The following BMP6 variants were observed in gnomAD, a reference collection of about 807,000 sequenced individuals.
BMP6 encodes the protein bone morphogenetic protein 6.
Under a neutral mutation model 54.1 loss-of-function variants are expected in BMP6, and 17 were observed. That is an observed-to-expected ratio of 0.31 (90% CI 0.22 to 0.47). The LOEUF (loss-of-function observed/expected upper bound fraction) is 0.47. Among genes scored for constraint, BMP6 ranks in the 20% least tolerant of loss-of-function variants. BMP6 has a pLI of 1.00. For synonymous variants in BMP6, 328 were observed against 291.2 expected (o/e 1.13, Z -1.28); for missense variants, 720 against 690.4 (o/e 1.04, Z -0.48).
intron 1 of BMP6, among the ~76,000 whole-genome samples, chr6:7,733,832 T>C (rs1761913447): frequency 6.6e-6 from 1 of 152,166 alleles, no homozygotes. Context: ...TATATGAAAG[T>C]GGTGATAGTT....
chr6:7,827,471 C>T (rs1193053562), intron 1 of BMP6, among the ~76,000 whole-genome samples: 1 of 152,196 alleles, frequency 6.6e-6, no homozygotes, highest in Non-Finnish European at 1.5e-5. Flanking sequence ...TTTGGCTGGT[C>T]ACTTTATTGT....
Position 7,845,226 on chromosome 6 carries a change from G to A in BMP6, c.751G>A (p.Val251Met). ...ATCCCAGATTCCTGAGGGTGAGGTGGTGACGGCTGCAGAATTCCGCATCTA... is the reference window on the plus strand; with the variant it reads ...ATCCCAGATTCCTGAGGGTGAGGTGATGACGGCTGCAGAATTCCGCATCTA... Reference protein sequence around the residue: ...NLSQIPEGEVVTAAEFRIYKD... With the variant: ...NLSQIPEGEVMTAAEFRIYKD... The change falls in exon 2 of 7, where the codon GTG becomes ATG. Residue 251 changes from valine to methionine, a missense_variant. Physicochemically the swap from Val to Met is conservative, Grantham distance 21 (BLOSUM62 1). Coordinates refer to ENST00000283147, the MANE Select transcript of BMP6 (RefSeq NM_001718.6). 6.2e-7 allele frequency: 1 copy of A among 1,614,202 alleles called. No individual in the cohort carries two copies. The highest frequency in any genetic ancestry group is 8.5e-7 in the Non-Finnish European group (1 of 1,180,000).
rs149855187 is a variant in BMP6, at chr6:7,825,305, A to G, written c.665-19835A>G. Reference sequence around the variant, plus strand: ...AAAAGAAAAGAAAAAGAGAAAGGAAAGAAACAATGAATGAAAATGTGTAGA... The same window carrying G: ...AAAAGAAAAGAAAAAGAGAAAGGAAGGAAACAATGAATGAAAATGTGTAGA... On this transcript the variant is annotated intron_variant, in intron 1 of 6. Coordinates refer to ENST00000283147, the MANE Select transcript of BMP6 (RefSeq NM_001718.6). 5.7e-3 allele frequency among the ~76,000 whole-genome samples: 870 copies of G among 152,368 alleles called. 3 individuals are homozygous for G. The highest frequency in any genetic ancestry group is 0.01 in the Middle Eastern group (3 of 294).
intron 4 of BMP6, among the ~76,000 whole-genome samples, chr6:7,872,731 A>AGT (rs1759547920): frequency 6.6e-6 from 1 of 152,154 alleles, no homozygotes. Context: ...CCAGACATGA[A>AGT]GTGGTGGTCT....
At chr6:7,751,246 T>C (rs1221624009) in intron 1 of BMP6, among the ~76,000 whole-genome samples, 1 of 152,200 alleles carries the variant, frequency 6.6e-6, no homozygotes, top group Non-Finnish European at 1.5e-5. Flanking sequence ...GCTTGAGAAT[T>C]GCAAAGTGTG....
intron 2 of BMP6, among the ~76,000 whole-genome samples, chr6:7,855,539 C>A (rs921549360): frequency 1.9e-5 from 2 of 106,136 alleles, no homozygotes; most frequent in Non-Finnish European, 3.9e-5. Context: ...TAATCTCAAT[C>A]TCTCTCTCTC....
At chr6:7,834,693 TAAAC>T (rs979770751) in intron 1 of BMP6, among the ~76,000 whole-genome samples, 3 of 151,552 alleles carry the variant, frequency 2.0e-5, no homozygotes, top group Admixed American at 6.6e-5. Flanking sequence ...TAAGAACAAA[TAAAC>T]AAAACTCACT....
intron 1 of BMP6, among the ~76,000 whole-genome samples, chr6:7,768,274 A>G (rs898074456): frequency 5.9e-5 from 9 of 152,176 alleles, no homozygotes; most frequent in African/African-American, 1.9e-4. Context: ...AGCTCCTGGA[A>G]GTAAAACTTG....
At chr6:7,827,198 C>T (rs1758710401) in intron 1 of BMP6, among the ~76,000 whole-genome samples, 1 of 152,204 alleles carries the variant, frequency 6.6e-6, no homozygotes, top group Non-Finnish European at 1.5e-5. Context: ...CGCCATGTAG[C>T]CCCACCCTGT....
intron 1 of BMP6, among the ~76,000 whole-genome samples, chr6:7,841,406 A>G (rs1443770917): frequency 6.6e-6 from 1 of 152,208 alleles, no homozygotes; most frequent in Non-Finnish European, 1.5e-5. Flanking sequence ...GTCTTGACTC[A>G]TATAGCTTGA....
intron 1 of BMP6, among the ~76,000 whole-genome samples, chr6:7,759,217 A>C (rs1365505119): frequency 1.3e-5 from 2 of 152,050 alleles, no homozygotes; most frequent in Non-Finnish European, 2.9e-5. Context: ...TGTATGCTTG[A>C]TACTAGTAAT....
At chr6:7,856,594 C>CTTTTTTTTTTTTTTTTTT (rs1561792989) in intron 2 of BMP6, among the ~76,000 whole-genome samples, 5 of 77,242 alleles carry the variant, frequency 6.5e-5, no homozygotes, top group East Asian at 9.2e-4. Flanking sequence ...TTATCAAGAG[C>CTTTTTTTTTTTTTTTTTT]ATTTTTTTTT....
At chr6:7,849,627 G>T (rs143937953) in intron 2 of BMP6, among the ~76,000 whole-genome samples, 1 of 152,068 alleles carries the variant, frequency 6.6e-6, no homozygotes, top group Admixed American at 6.6e-5. Flanking sequence ...TTTCTTCTAC[G>T]TTTTTTACTT....
At chr6:7,879,941 T>A (rs375622342) in intron 5 of BMP6, 50 bp from the exon 6 acceptor site, 7 of 1,537,918 alleles carry the variant, frequency 4.6e-6, no homozygotes, top group Non-Finnish European at 6.3e-6. Context: ...GCACAAATAG[T>A]GTGAGAAGTG....
intron 1 of BMP6, among the ~76,000 whole-genome samples, chr6:7,732,384 A>G (rs1342831345): frequency 6.6e-6 from 1 of 152,236 alleles, no homozygotes; most frequent in Non-Finnish European, 1.5e-5. Context: ...AGCAGATACT[A>G]TTGTTCAGAC....
intron 1 of BMP6, among the ~76,000 whole-genome samples, chr6:7,805,976 T>C (rs902496823): frequency 6.6e-6 from 1 of 152,204 alleles, no homozygotes; most frequent in African/African-American, 2.4e-5. Flanking sequence ...ACTGCTGAAG[T>C]GTGAAGTGTC....
At chr6:7,791,629 A>G (rs1418303906) in intron 1 of BMP6, among the ~76,000 whole-genome samples, 2 of 151,986 alleles carry the variant, frequency 1.3e-5, no homozygotes, top group Non-Finnish European at 2.9e-5. Flanking sequence ...TCTGAACATC[A>G]CTACCTGGAA....
chr6:7,835,408 G>A (rs1758857698), intron 1 of BMP6, among the ~76,000 whole-genome samples: 1 of 152,138 alleles, frequency 6.6e-6, no homozygotes, highest in Admixed American at 6.5e-5. Context: ...CAGGAATGCT[G>A]AGTCTGAAGG....
chr6:7,859,622 A>C (rs149282002), intron 2 of BMP6, among the ~76,000 whole-genome samples: 2 of 152,144 alleles, frequency 1.3e-5, no homozygotes, highest in East Asian at 3.9e-4. Context: ...CTTACATCTG[A>C]CTTCAAAGCC....
Sources: allele counts gnomAD v4.1 joint callset (sites outside exome capture counted in the v4.1 genomes callset), GRCh38; gene constraint gnomAD v4.1.1; transcripts MANE v1.5; gene names NCBI Gene and HGNC (gene_info 2026-07-23, HGNC 2026-07-21).